The following ASAP1 variants were observed in gnomAD, a reference collection of about 807,000 sequenced individuals.
ASAP1 encodes the protein ArfGAP with SH3 domain, ankyrin repeat and PH domain 1, also known as arf-GAP with SH3 domain, ANK repeat and PH domain-containing protein 1.
A neutral mutation model predicts 145.2 loss-of-function variants in ASAP1; 43 were observed. That is an observed-to-expected ratio of 0.30 (90% CI 0.23 to 0.38). The LOEUF (loss-of-function observed/expected upper bound fraction) is 0.38. Among genes scored for constraint, ASAP1 ranks in the 10% least tolerant of loss-of-function variants. ASAP1 has a pLI of 1.00. For synonymous variants in ASAP1, 546 were observed against 515.5 expected (o/e 1.06, Z -0.80); for missense variants, 1,018 against 1,355.3 (o/e 0.75, Z 3.91).
intron 2 of ASAP1, among the ~76,000 whole-genome samples, chr8:130,380,476 G>C (rs1827714951): frequency 6.6e-6 from 1 of 152,170 alleles, no homozygotes; most frequent in Admixed American, 6.5e-5. Context: ...CAGGGAACCA[G>C]GGTGCGCCAA....
intron 3 of ASAP1, among the ~76,000 whole-genome samples, chr8:130,241,251 T>C (rs1165755235): frequency 2.0e-5 from 3 of 152,102 alleles, no homozygotes; most frequent in Non-Finnish European, 4.4e-5. Context: ...AAGGATACCC[T>C]ACAGCAGTGT....
intron 14 of ASAP1, among the ~76,000 whole-genome samples, 185 bp from the exon 15 acceptor site, chr8:130,134,529 T>G (rs1169766995): frequency 6.6e-6 from 1 of 152,190 alleles, no homozygotes; most frequent in Non-Finnish European, 1.5e-5. Context: ...AAGCTCTATC[T>G]GTTTCTCATA....
intron 25 of ASAP1, among the ~76,000 whole-genome samples, chr8:130,086,726 C>A (rs1290177510): frequency 6.6e-6 from 1 of 152,166 alleles, no homozygotes; most frequent in Admixed American, 6.5e-5. Context: ...ATAGCTTGAG[C>A]CTGTGAGGTG....
chr8:130,230,065 AAAACAAACAAACAAACAAAC>A lies in ASAP1; in HGVS notation c.259+6837_259+6856del, dbSNP rs3997633. 3.8e-3 allele frequency among the ~76,000 whole-genome samples: 567 copies of A among 150,278 alleles called. 7 individuals are homozygous for A. The highest frequency in any genetic ancestry group is 0.01 in the Middle Eastern group (3 of 294). On this transcript the variant is annotated intron_variant, in intron 4 of 29. Transcript: ENST00000518721. ...GGCAACACAGTGAGATCCTGTCTCC[AAAACAAACAAACAAACAAAC>A]AAACAAACAAACAAACAAACACCAA...
intron 3 of ASAP1, among the ~76,000 whole-genome samples, chr8:130,269,517 T>C (rs574737789): frequency 6.6e-6 from 1 of 152,320 alleles, no homozygotes; most frequent in East Asian, 1.9e-4. Context: ...TCCCAACAGA[T>C]TAAACTGCCT....
chr8:130,093,903 A>G (rs1592784209), intron 24 of ASAP1, among the ~76,000 whole-genome samples: 1 of 152,112 alleles, frequency 6.6e-6, no homozygotes, highest in African/African-American at 2.4e-5. Flanking sequence ...TTATTTCTAT[A>G]AGATAGGCTA....
At chr8:130,345,874 G>C (rs1825675625) in intron 3 of ASAP1, among the ~76,000 whole-genome samples, 1 of 152,232 alleles carries the variant, frequency 6.6e-6, no homozygotes, top group Non-Finnish European at 1.5e-5. Context: ...ACAGAGGACT[G>C]CAGGTTGCAG....
At chr8:130,250,912 G>A (rs1398882507) in intron 3 of ASAP1, among the ~76,000 whole-genome samples, 2 of 152,046 alleles carry the variant, frequency 1.3e-5, no homozygotes, top group African/African-American at 2.4e-5. Flanking sequence ...ACATTCTAAC[G>A]ATATCTTTTT....
chr8:130,296,228 G>C (rs1301870525), intron 3 of ASAP1, among the ~76,000 whole-genome samples: 3 of 152,182 alleles, frequency 2.0e-5, no homozygotes, highest in Admixed American at 2.0e-4. Context: ...CCCACTCTGG[G>C]GATGATGTTT....
chr8:130,116,773 T>C, intron 21 of ASAP1, 28 bp from the exon 22 acceptor site: 3 of 1,608,836 alleles, frequency 1.9e-6, no homozygotes, highest in Non-Finnish European at 2.6e-6. Flanking sequence ...TTAATTTGCA[T>C]AATTATCTAG....
At chr8:130,261,635 G>A (rs1722370804) in intron 3 of ASAP1, among the ~76,000 whole-genome samples, 1 of 152,108 alleles carries the variant, frequency 6.6e-6, no homozygotes, top group African/African-American at 2.4e-5. Context: ...TAAATTAGAG[G>A]CTGATAACTC....
At position 130,443,560 on chromosome 8, in the gene ASAP1, G is replaced by C. The variant is rs1027746709; in HGVS notation, c.-128C>G. On this transcript the variant is annotated 5_prime_UTR_variant, in exon 1 of 30. Transcript: ENST00000518721. ...GAACTGCGACCGGGAAGCGCCGGCTGGGCGGGAGGCGCGGGCCCGGGGCTG... is the reference window on the plus strand; with the variant it reads ...GAACTGCGACCGGGAAGCGCCGGCTCGGCGGGAGGCGCGGGCCCGGGGCTG... 7.9e-5 allele frequency: 12 copies of C among 151,078 alleles called. No homozygotes were observed. Among genetic ancestry groups the C allele is most frequent in the African/African-American group, 2.4e-4 (10 of 41,434 alleles). The allele number at this position is 151,078 out of a possible 1,614,324, so 9.4% of individuals were successfully genotyped here.
At chr8:130,295,842 G>C (rs1030661977) in intron 3 of ASAP1, among the ~76,000 whole-genome samples, 1 of 152,160 alleles carries the variant, frequency 6.6e-6, no homozygotes, top group African/African-American at 2.4e-5. Context: ...TTTTGGACCA[G>C]ATCTTAGCTA....
chr8:130,316,711 A>G (rs776861792), intron 3 of ASAP1, among the ~76,000 whole-genome samples: 9 of 152,246 alleles, frequency 5.9e-5, no homozygotes, highest in Non-Finnish European at 1.3e-4. Flanking sequence ...GGTGAGATCA[A>G]AAGGAAGGAG....
At chr8:130,309,053 T>C (rs1823167487) in intron 3 of ASAP1, among the ~76,000 whole-genome samples, 2 of 152,178 alleles carry the variant, frequency 1.3e-5, no homozygotes, top group African/African-American at 4.8e-5. Context: ...AGGTGAGAGT[T>C]GACCAGGGTA....
chr8:130,062,374 T>C (rs988816461), intron 27 of ASAP1, among the ~76,000 whole-genome samples: 1 of 152,242 alleles, frequency 6.6e-6, no homozygotes, highest in African/African-American at 2.4e-5. Flanking sequence ...GCTCATGACC[T>C]GTCTAGTCAT....
intron 14 of ASAP1, among the ~76,000 whole-genome samples, chr8:130,136,332 A>G (rs182077716): frequency 1.3e-4 from 20 of 152,360 alleles, no homozygotes; most frequent in African/African-American, 4.6e-4. Context: ...AGAGAAAAGC[A>G]AACTCTGAAC....
intron 24 of ASAP1, among the ~76,000 whole-genome samples, chr8:130,110,935 T>C (rs1044428992): frequency 2.6e-5 from 4 of 152,044 alleles, no homozygotes; most frequent in African/African-American, 9.7e-5. Context: ...TGCATTTGGA[T>C]TCACTGGCAA....
chr8:130,133,580 C>T (rs62524642), intron 15 of ASAP1, among the ~76,000 whole-genome samples: 2 of 151,736 alleles, frequency 1.3e-5, no homozygotes, highest in African/African-American at 2.4e-5. Flanking sequence ...GGCGTGAACC[C>T]GGGAAGCGGA....
Sources: allele counts gnomAD v4.1 joint callset (sites outside exome capture counted in the v4.1 genomes callset), GRCh38; gene constraint gnomAD v4.1.1; transcripts MANE v1.5; gene names NCBI Gene and HGNC (gene_info 2026-07-23, HGNC 2026-07-21).